VTI1A: variants seen among roughly 807,000 people sequenced by gnomAD.
VTI1A encodes the protein vesicle transport through interaction with t-SNAREs 1A, also known as vesicle transport through interaction with t-SNAREs homolog 1A.
Under a neutral mutation model 34.9 loss-of-function variants are expected in VTI1A, and 22 were observed. The ratio of observed to expected loss-of-function variants is 0.63; its 90% CI spans 0.45 to 0.90. The LOEUF (loss-of-function observed/expected upper bound fraction) is 0.90. Ranked by LOEUF, VTI1A falls within the 40% of genes least tolerant of loss-of-function variation. The probability of loss-of-function intolerance (pLI) is 0.00; values close to 1 mark genes in which losing one functional copy is unlikely to be tolerated. For missense variants in VTI1A, 268 were observed against 275.6 expected, an observed-to-expected ratio of 0.97 and a Z score of 0.20; for synonymous variants, 87 against 97.3, an observed-to-expected ratio of 0.89 and a Z score of 0.62.
intron 5 of VTI1A, among the ~76,000 whole-genome samples, chr10:112,567,874 A>G (rs968673170): frequency 3.3e-5 from 5 of 152,334 alleles, no homozygotes; most frequent in African/African-American, 1.2e-4. Context: ...AAGGAGGACC[A>G]TTTTAAATGA....
chr10:112,546,238 C>T (rs1197941279), intron 5 of VTI1A, among the ~76,000 whole-genome samples: 4 of 149,374 alleles, frequency 2.7e-5, no homozygotes, highest in African/African-American at 7.4e-5. Context: ...TATATATATA[C>T]AAAAATTTGG....
chr10:112,651,368 T>G (rs1847009224), intron 5 of VTI1A, among the ~76,000 whole-genome samples: 1 of 152,212 alleles, frequency 6.6e-6, no homozygotes, highest in African/African-American at 2.4e-5. Flanking sequence ...TGGAGTGCAG[T>G]GGTGCGATCT....
At chr10:112,594,935 C>A (rs185775240) in intron 5 of VTI1A, among the ~76,000 whole-genome samples, 24,283 of 142,680 alleles carry the variant, frequency 0.17, 2,618 homozygotes, top group African/African-American at 0.29. Context: ...AGTAACCAAA[C>A]CAGCATGGTA....
At chr10:112,633,145 C>A (rs2007532) in intron 5 of VTI1A, among the ~76,000 whole-genome samples, 44,855 of 151,836 alleles carry the variant, frequency 0.3, 6,898 homozygotes, top group East Asian at 0.35. Flanking sequence ...CATGGTGAGT[C>A]CTGAGAGGAG....
At chr10:112,853,845 C>T in the VTI1A span, among the ~76,000 whole-genome samples, 20 of 152,220 alleles carry the variant, frequency 1.3e-4, no homozygotes, top group South Asian at 4.1e-4. Context: ...TGCTACACTC[C>T]GTGGACTCCT....
At chr10:112,725,527 A>G (rs1055476629) in intron 7 of VTI1A, among the ~76,000 whole-genome samples, 4 of 152,214 alleles carry the variant, frequency 2.6e-5, no homozygotes, top group African/African-American at 9.7e-5. Flanking sequence ...TTCTCTATCA[A>G]CCTGTTAACA....
At chr10:112,575,331 A>T (rs1852289888) in intron 5 of VTI1A, among the ~76,000 whole-genome samples, 1 of 152,224 alleles carries the variant, frequency 6.6e-6, no homozygotes, top group Admixed American at 6.5e-5. Context: ...TGACATGCAG[A>T]TCTAATTTAT....
intron 3 of VTI1A, among the ~76,000 whole-genome samples, chr10:112,472,533 CTTT>C (rs78914593): frequency 3.0e-5 from 4 of 134,846 alleles, no homozygotes; most frequent in Non-Finnish European, 3.2e-5. Flanking sequence ...TACCCATATT[CTTT>C]TTTTTTTTTT....
chr10:112,535,139 G>A (rs1850575278), intron 4 of VTI1A, among the ~76,000 whole-genome samples: 1 of 152,028 alleles, frequency 6.6e-6, no homozygotes, highest in African/African-American at 2.4e-5. Flanking sequence ...TCTTATGCCT[G>A]TAGCAGCAGT....
At chr10:112,631,330 C>T (rs1846123354) in intron 5 of VTI1A, among the ~76,000 whole-genome samples, 2 of 152,266 alleles carry the variant, frequency 1.3e-5, no homozygotes, top group East Asian at 1.9e-4. Context: ...AGTACTCTTA[C>T]AGTGTTGTAC....
At chr10:112,619,954 G>A (rs1050670196) in intron 5 of VTI1A, among the ~76,000 whole-genome samples, 1 of 152,230 alleles carries the variant, frequency 6.6e-6, no homozygotes, top group Admixed American at 6.5e-5. Flanking sequence ...GGAAGGTCTC[G>A]ACCCCTGGGT....
intron 5 of VTI1A, among the ~76,000 whole-genome samples, chr10:112,649,663 A>T (rs1846934607): frequency 6.6e-6 from 1 of 152,188 alleles, no homozygotes; most frequent in African/African-American, 2.4e-5. Context: ...ATGCATCCTT[A>T]GGCATTTCAT....
intron 7 of VTI1A, among the ~76,000 whole-genome samples, chr10:112,771,376 G>A (rs1485736957): frequency 6.6e-6 from 1 of 152,246 alleles, no homozygotes; most frequent in Non-Finnish European, 1.5e-5. Flanking sequence ...GAAAGGGAAA[G>A]CACTTCTAAA....
At chr10:112,784,762 C>T (rs992146468) in intron 7 of VTI1A, among the ~76,000 whole-genome samples, 2 of 152,144 alleles carry the variant, frequency 1.3e-5, no homozygotes, top group African/African-American at 2.4e-5. Context: ...AGATACTTCC[C>T]CTGTTTTAAG....
rs977383421 is a variant in VTI1A at position 112,478,944 on chromosome 10, G to A, written c.264+14287G>A. Among the ~76,000 whole-genome samples the A allele has an allele frequency of 7.2e-5, 11 of 152,032 alleles. 2 individuals carry two copies. In the South Asian group the frequency reaches 1.0e-3, roughly 14 times the overall value. ...AGCACTTTGGGAGGCCGAGACGGGC[G>A]GATCACAAGGTCAAGAGATCGAGAC... On this transcript the variant is annotated intron_variant, in intron 3 of 7. Transcript: ENST00000393077.
In VTI1A at chr10:112,815,275, T is replaced by C; in HGVS notation, c.561-15T>C. 2 of 1,609,488 alleles carry C rather than the reference T, an allele frequency of 1.2e-6. No individual in the cohort carries two copies. Among genetic ancestry groups the C allele is most frequent in the Non-Finnish European group, 1.7e-6 (2 of 1,177,036 alleles). On this transcript the variant is annotated splice_polypyrimidine_tract_variant and intron_variant, in intron 7 of 7. Transcript: ENST00000393077. Reference sequence around the variant, plus strand: ...ACTTATCTGTGTGTGTTTTTTCTCCTTTGCTGTCTCCTAGAATCATCCAGA... The same window carrying C: ...ACTTATCTGTGTGTGTTTTTTCTCCCTTGCTGTCTCCTAGAATCATCCAGA...
At chr10:112,615,229 G>C (rs894841584) in intron 5 of VTI1A, among the ~76,000 whole-genome samples, 1 of 152,174 alleles carries the variant, frequency 6.6e-6, no homozygotes, top group Non-Finnish European at 1.5e-5. Flanking sequence ...TTATTTGCAA[G>C]AATAAACTGT....
At chr10:112,481,361 A>C (rs1848452026) in intron 3 of VTI1A, among the ~76,000 whole-genome samples, 2 of 152,222 alleles carry the variant, frequency 1.3e-5, no homozygotes, top group African/African-American at 4.8e-5. Flanking sequence ...TTTTCAATTA[A>C]GCTTAACAAG....
chr10:112,694,944 G>A (rs549479069), intron 7 of VTI1A, among the ~76,000 whole-genome samples: 3 of 152,224 alleles, frequency 2.0e-5, no homozygotes, highest in Non-Finnish European at 4.4e-5. Context: ...ACTCCAGCCC[G>A]GGTGACAGAG....
Sources: allele counts gnomAD v4.1 joint callset (sites outside exome capture counted in the v4.1 genomes callset), GRCh38; gene constraint gnomAD v4.1.1; transcripts MANE v1.5; gene names NCBI Gene and HGNC (gene_info 2026-07-23, HGNC 2026-07-21).